PRUNE2: variants seen among roughly 807,000 people sequenced by gnomAD.
PRUNE2 encodes protein prune homolog 2.
In PRUNE2, 164 loss-of-function variants were observed where a neutral mutation model predicts 252.0. That is an observed-to-expected ratio of 0.65 (90% CI 0.57 to 0.74). PRUNE2 has a LOEUF of 0.74. Ranked by LOEUF, PRUNE2 falls within the 30% of genes least tolerant of loss-of-function variation. The probability of loss-of-function intolerance (pLI) is 0.00; values close to 1 mark genes in which losing one functional copy is unlikely to be tolerated. For synonymous variants in PRUNE2, 1,292 were observed against 1,350.2 expected, an observed-to-expected ratio of 0.96 and a Z score of 0.94; for missense variants, 3,495 against 3,711.0, an observed-to-expected ratio of 0.94 and a Z score of 1.51.
chr9:76,889,758 G>A (rs1196433727), intron 1 of PRUNE2, among the ~76,000 whole-genome samples: 2 of 152,166 alleles, frequency 1.3e-5, no homozygotes, highest in Non-Finnish European at 1.5e-5. Flanking sequence ...CACTTCCACT[G>A]CAGGGCACCT....
chr9:76,710,944 C>T lies in PRUNE2; in HGVS notation c.1330G>A (p.Val444Ile). 1 of 1,583,346 alleles carries T rather than the reference C, an allele frequency of 6.3e-7. No homozygotes were observed. The highest frequency in any genetic ancestry group is 8.6e-7 in the Non-Finnish European group (1 of 1,164,538). ...RSSRSSKESS[V>I]FLSDDSPVGE... ...ACGGGGCTGTCGTCACTGAGGAAAA[C>T]AGAGCTCTCCTTGGATGAGCGGCTG... Residue 444 changes from valine to isoleucine, a missense_variant, in exon 8 of 19, where the codon GTT (valine) becomes ATT (isoleucine). Physicochemically the swap from Val to Ile is conservative, Grantham distance 29. Coordinates refer to ENST00000376718, the MANE Select transcript of PRUNE2 (RefSeq NM_015225.3).
At position 76,877,606 on chromosome 9, in the gene PRUNE2, C is replaced by A. The variant is rs144129027; in HGVS notation, c.37-23398G>T. ...CCTTCTAGGAACCCCTCCAATCAGACTACCCAAAAGTGATCCCCCCAGCTG... is the reference window on the plus strand; with the variant it reads ...CCTTCTAGGAACCCCTCCAATCAGAATACCCAAAAGTGATCCCCCCAGCTG... On this transcript the variant is annotated intron_variant, in intron 1 of 18. Coordinates refer to ENST00000376718, the MANE Select transcript of PRUNE2 (RefSeq NM_015225.3). 4.3e-3 allele frequency among the ~76,000 whole-genome samples: 655 copies of A among 152,302 alleles called. 3 individuals carry two copies. The highest frequency in any genetic ancestry group is 0.015 in the African/African-American group (620 of 41,570).
intron 6 of PRUNE2, among the ~76,000 whole-genome samples, chr9:76,766,647 TC>T (rs916644540): frequency 6.6e-6 from 1 of 151,902 alleles, no homozygotes; most frequent in Admixed American, 6.6e-5. Flanking sequence ...CTGCGCCACT[TC>T]CCCCCAATCA....
At chr9:76,716,773 T>G (rs2047184715) in intron 6 of PRUNE2, among the ~76,000 whole-genome samples, 1 of 152,202 alleles carries the variant, frequency 6.6e-6, no homozygotes, top group South Asian at 2.1e-4. Flanking sequence ...GGTGGTTTGC[T>G]GCACCTATTG....
At chr9:76,870,276 C>CT (rs35189740) in intron 1 of PRUNE2, among the ~76,000 whole-genome samples, 2,206 of 144,942 alleles carry the variant, frequency 0.015, 34 homozygotes, top group African/African-American at 0.038. Flanking sequence ...GACTCCCTAA[C>CT]TTTTTTTTTT....
intron 9 of PRUNE2, among the ~76,000 whole-genome samples, chr9:76,691,503 G>A (rs1425588762): frequency 6.6e-6 from 1 of 152,102 alleles, no homozygotes; most frequent in African/African-American, 2.4e-5. Context: ...AAAGACAAAG[G>A]GAACAACATA....
At position 76,652,525 on chromosome 9, in the gene PRUNE2, C is replaced by G; in HGVS notation, c.8515G>C (p.Asp2839His). ...AAAGAATCTGCTTCATCGGGGGTAT[C>G]AAGTTCATCCACATTGATGTCAATT... ...DEIDINVDEL[D>H]TPDEADSFEY... The change falls in exon 11 of 19, where the codon GAT (aspartate) becomes CAT (histidine). Residue 2839 changes from aspartate (D) to histidine (H), a missense_variant. By Grantham distance (81) the Asp-to-His change is moderately conservative. Coordinates refer to ENST00000376718, the MANE Select transcript of PRUNE2 (RefSeq NM_015225.3). The G allele has an allele frequency of 6.2e-7, 1 of 1,613,500 alleles. No individual in the cohort carries two copies. Among genetic ancestry groups the G allele is most frequent in the Non-Finnish European group, 8.5e-7 (1 of 1,179,544 alleles).
intron 1 of PRUNE2, among the ~76,000 whole-genome samples, chr9:76,861,320 CTTT>C (rs2060532551): frequency 6.6e-6 from 1 of 152,162 alleles, no homozygotes; most frequent in Non-Finnish European, 1.5e-5. Context: ...TCTCTTTGTT[CTTT>C]GTTTCCAACA....
intron 6 of PRUNE2, among the ~76,000 whole-genome samples, chr9:76,798,206 T>A (rs1021313443): frequency 6.6e-6 from 1 of 152,258 alleles, no homozygotes; most frequent in Non-Finnish European, 1.5e-5. Flanking sequence ...GTATTAAGTA[T>A]ATTCACATTG....
chr9:76,779,332 G>T (rs1339278831), intron 6 of PRUNE2, among the ~76,000 whole-genome samples: 2 of 151,960 alleles, frequency 1.3e-5, no homozygotes, highest in African/African-American at 4.8e-5. Context: ...TGAGATTAAG[G>T]CTCTTTGTGG....
At chr9:76,633,187 A>T (rs1267033729) in intron 15 of PRUNE2, among the ~76,000 whole-genome samples, 3 of 152,196 alleles carry the variant, frequency 2.0e-5, no homozygotes, top group African/African-American at 7.2e-5. Context: ...ATGCCACTGC[A>T]CTCCAGTCTG....
chr9:76,835,251 C>A (rs114321387), intron 4 of PRUNE2, among the ~76,000 whole-genome samples: 1 of 151,604 alleles, frequency 6.6e-6, no homozygotes, highest in Non-Finnish European at 1.5e-5. Flanking sequence ...ACAGTAAAGG[C>A]GTATTCTGCA....
At chr9:76,749,956 A>G (rs2050469037) in intron 6 of PRUNE2, among the ~76,000 whole-genome samples, 1 of 151,976 alleles carries the variant, frequency 6.6e-6, no homozygotes, top group South Asian at 2.1e-4. Context: ...CATCCCTTAG[A>G]ATTTCCCGGG....
At chr9:76,617,614 A>C (rs925921258) in intron 18 of PRUNE2, among the ~76,000 whole-genome samples, 31 of 152,172 alleles carry the variant, frequency 2.0e-4, no homozygotes, top group African/African-American at 7.5e-4. Context: ...GAGAGGGCTG[A>C]AGAAAGGGAA....
At chr9:76,692,247 C>G (rs2044839852) in intron 9 of PRUNE2, 2 of 695,936 alleles carry the variant, frequency 2.9e-6, no homozygotes, top group Non-Finnish European at 5.3e-6. Context: ...CCAGATCTCC[C>G]CATGCAGCCG....
chr9:76,888,710 T>C (rs1472005620), intron 1 of PRUNE2, among the ~76,000 whole-genome samples: 1 of 152,138 alleles, frequency 6.6e-6, no homozygotes, highest in Non-Finnish European at 1.5e-5. Flanking sequence ...TTAAGTTTTC[T>C]GTAGGGCGAG....
At chr9:76,697,263 C>G (rs1280312851) in intron 9 of PRUNE2, among the ~76,000 whole-genome samples, 1 of 152,216 alleles carries the variant, frequency 6.6e-6, no homozygotes, top group Non-Finnish European at 1.5e-5. Context: ...GGGCGTTCCT[C>G]CCACGGGGAA....
intron 6 of PRUNE2, among the ~76,000 whole-genome samples, chr9:76,766,010 G>A (rs1298335528): frequency 2.0e-5 from 3 of 151,778 alleles, no homozygotes; most frequent in South Asian, 2.1e-4. Context: ...ATGAAACCCC[G>A]TCTCTACTAA....
rs765283530 is a variant in PRUNE2, at chr9:76,711,354, C to A, written c.920G>T (p.Cys307Phe). ...SENMELCSQI[C>F]CELEECQNPC... ...GTTCTGACACTCTTCCAGCTCACAG[C>A]AAATCTGTCGGAAGGCACAGGAATT... Residue 307 changes from cysteine to phenylalanine, a missense_variant, in exon 8 of 19, where the codon TGC becomes TTC. Physicochemically the swap from Cys to Phe is radical, Grantham distance 205. Transcript: ENST00000376718. The A allele has an allele frequency of 1.7e-4, 270 of 1,606,566 alleles. No homozygotes were observed. Among genetic ancestry groups the A allele is most frequent in the Non-Finnish European group, 2.2e-4 (263 of 1,176,050 alleles).
Sources: allele counts gnomAD v4.1 joint callset (sites outside exome capture counted in the v4.1 genomes callset), GRCh38; gene constraint gnomAD v4.1.1; transcripts MANE v1.5; gene names NCBI Gene and HGNC (gene_info 2026-07-23, HGNC 2026-07-21).